Variants in PROB1 observed in about 807,000 individuals in gnomAD.
The protein encoded by PROB1 is proline rich basic protein 1.
For missense variants in PROB1, 1,453 were observed against 1,485.7 expected, an observed-to-expected ratio of 0.98 and a Z score of 0.36; for synonymous variants, 660 against 699.3, an observed-to-expected ratio of 0.94 and a Z score of 0.89.
chr5:139,392,060 C>T lies in PROB1; in HGVS notation c.3022G>A (p.Gly1008Ser). ...PPSSSGPTQP[G>S]KGSLFPL is the part of the protein sequence containing the mutation. ...CACAGCGGGAACAATGAACCCTTGC[C>T]GGGCTGGGTGGGACCTGAGCTGGAG... The change falls in exon 1 of 1, where the codon GGC (glycine) becomes AGC (serine). Residue 1008 changes from glycine (G) to serine (S), a missense_variant. By Grantham distance (56) the Gly-to-Ser change is moderately conservative (BLOSUM62 0). Transcript: ENST00000434752. The surrounding 1 kb of genome is among the most constrained non-coding windows in gnomAD (Gnocchi z 5.8). The T allele has an allele frequency of 1.4e-6, 2 of 1,402,432 alleles. No individual in the cohort carries two copies. The highest frequency in any genetic ancestry group is 1.9e-4 in the Middle Eastern group (1 of 5,380). 86.9% of individuals were successfully genotyped at this position (1,402,432 alleles called of 1,614,324 possible). A position where few individuals can be genotyped will look rare whatever the true frequency, so the allele number is the denominator to read the frequency against.
chr5:139,393,228 G>A lies in PROB1; in HGVS notation c.1854C>T (p.Arg618=). 1 of 1,549,154 alleles carries A rather than the reference G, an allele frequency of 6.5e-7. No individual in the cohort carries two copies. Among genetic ancestry groups the A allele is most frequent in the Non-Finnish European group, 8.7e-7 (1 of 1,146,890 alleles). The change falls in exon 1 of 1, where the codon CGC becomes CGT. Residue 618 remains arginine, a synonymous_variant. Coordinates refer to ENST00000434752, the MANE Select transcript of PROB1 (RefSeq NM_001161546.2). ...CGTCTCGAGGCCGCGGAATGGCCAT[G>A]CGCGGGCGTCCCGAGGCCGCCTCTC... ...GPGEAASGRP[R]MAIPRPRDVR...
rs1391631989 is a variant in PROB1 at position 139,392,061 on chromosome 5, G to A, written c.3021C>T (p.Pro1007=). ...ACAGCGGGAACAATGAACCCTTGCC[G>A]GGCTGGGTGGGACCTGAGCTGGAGG... ...APPSSSGPTQ[P]GKGSLFPL Residue 1007 remains proline, a synonymous_variant, in exon 1 of 1, where the codon CCC becomes CCT. Coordinates refer to ENST00000434752, the MANE Select transcript of PROB1 (RefSeq NM_001161546.2). This position sits in a 1 kb window ranked among gnomAD's most constrained non-coding sequence, Gnocchi z 5.8. The A allele has an allele frequency of 1.4e-6, 2 of 1,399,914 alleles. No individual in the cohort carries two copies. Among genetic ancestry groups the A allele is most frequent in the East Asian group, 3.0e-5 (1 of 33,726 alleles). The allele number at this position is 1,399,914 out of a possible 1,614,324, so 86.7% of individuals were successfully genotyped here. A position where few individuals can be genotyped will look rare whatever the true frequency, so the allele number is the denominator to read the frequency against.
Position 139,394,457 on chromosome 5 carries a change from G to GA in PROB1, c.624dup (p.Gln209SerfsTer72). ...TGGGGCCGGGGGCGCAGCTCGATCTGACGCTTGGGCACTGTCCGGGGCCTG... is the reference window on the plus strand; with the variant it reads ...TGGGGCCGGGGGCGCAGCTCGATCTGAACGCTTGGGCACTGTCCGGGGCCTG... On this transcript the variant is annotated frameshift_variant, in exon 1 of 1. Coordinates refer to ENST00000434752, the MANE Select transcript of PROB1 (RefSeq NM_001161546.2). LOFTEE classifies it low-confidence loss of function (END_TRUNC). 7.1e-7 allele frequency: 1 copy of GA among 1,400,574 alleles called. No homozygotes were observed. Among genetic ancestry groups the GA allele is most frequent in the Non-Finnish European group, 9.2e-7 (1 of 1,085,982 alleles). The allele number at this position is 1,400,574 out of a possible 1,614,324, so 86.8% of individuals were successfully genotyped here. A position where few individuals can be genotyped will look rare whatever the true frequency, so the allele number is the denominator to read the frequency against.
In PROB1 at chr5:139,390,968, CCCCTCATCT is replaced by C. The variant is rs1011551587; in HGVS notation, c.*1057_*1065del. ...CACCACCTCCCACCTCATGCAGACC[CCCCTCATCT>C]CCCTCAGAGGCTCCTGGAATCTCAG... is the stretch of plus-strand genomic sequence containing the variant. On this transcript the variant is annotated 3_prime_UTR_variant, in exon 1 of 1. Transcript: ENST00000434752. 2 of 152,492 alleles carry C rather than the reference CCCCTCATCT, an allele frequency of 1.3e-5. No homozygotes were observed. Among genetic ancestry groups the C allele is most frequent in the Non-Finnish European group, 2.9e-5 (2 of 68,254 alleles). 9.4% of individuals were successfully genotyped at this position (152,492 alleles called of 1,614,324 possible). A position where few individuals can be genotyped will look rare whatever the true frequency, so the allele number is the denominator to read the frequency against.
chr5:139,391,866 C>T lies in PROB1; in HGVS notation c.*168G>A. The T allele has an allele frequency of 1.8e-6, 1 of 548,108 alleles. No individual in the cohort carries two copies. Among genetic ancestry groups the T allele is most frequent in the Non-Finnish European group, 2.8e-6 (1 of 357,632 alleles). The allele number at this position is 548,108 out of a possible 1,614,324, so 34.0% of individuals were successfully genotyped here. A position where few individuals can be genotyped will look rare whatever the true frequency, so the allele number is the denominator to read the frequency against. On this transcript the variant is annotated 3_prime_UTR_variant, in exon 1 of 1. Coordinates refer to ENST00000434752, the MANE Select transcript of PROB1 (RefSeq NM_001161546.2). This position sits in a 1 kb window ranked among gnomAD's most constrained non-coding sequence, Gnocchi z 4.8. The stretch of plus-strand genomic sequence containing the variant: ...GCCACTTCCTGGGTGACTCCAGCTC[C>T]ACCAGCCTCGGGGCTCAGATTCATT...
Position 139,391,950 on chromosome 5 carries a change from G to C in PROB1, c.*84C>G, listed in dbSNP as rs1233186849. 8.9e-7 allele frequency: 1 copy of C among 1,118,908 alleles called. No homozygotes were observed. Among genetic ancestry groups the C allele is most frequent in the African/African-American group, 1.6e-5 (1 of 61,436 alleles). 69.3% of individuals were successfully genotyped at this position (1,118,908 alleles called of 1,614,324 possible). On this transcript the variant is annotated 3_prime_UTR_variant, in exon 1 of 1. Coordinates refer to ENST00000434752, the MANE Select transcript of PROB1 (RefSeq NM_001161546.2). The surrounding 1 kb of genome is among the most constrained non-coding windows in gnomAD (Gnocchi z 4.8). ...GGGATGGGTTAAAGACAGAGGCGAC[G>C]GAAGGAGAGGAGGGTAGGGGCTTGG...
At position 139,394,268 on chromosome 5, in the gene PROB1, C is replaced by A. The variant is rs1352658447; in HGVS notation, c.814G>T (p.Gly272Trp). The A allele has an allele frequency of 3.2e-6, 5 of 1,543,212 alleles. No individual in the cohort carries two copies. The highest frequency in any genetic ancestry group is 4.4e-6 in the Non-Finnish European group (5 of 1,142,968). Residue 272 changes from glycine (G) to tryptophan (W), a missense_variant, in exon 1 of 1, where the codon GGG becomes TGG. Physicochemically the swap from Gly to Trp is radical, Grantham distance 184 (BLOSUM62 -2). Transcript: ENST00000434752. Reference sequence around the variant, plus strand: ...TCAGGTTCCGACCGCCCCGTGGACCCGAAGGTGGCGCTGCTCGGGGCCGGG... The same window carrying A: ...TCAGGTTCCGACCGCCCCGTGGACCAGAAGGTGGCGCTGCTCGGGGCCGGG... ...EAPAPSSATF[G>W]STGRSEPETR...
At position 139,392,412 on chromosome 5, in the gene PROB1, G is replaced by A; in HGVS notation, c.2670C>T (p.Arg890=). 1 of 1,504,690 alleles carries A rather than the reference G, an allele frequency of 6.6e-7. No homozygotes were observed. The highest frequency in any genetic ancestry group is 1.3e-5 in the South Asian group (1 of 79,938). 93.2% of individuals were successfully genotyped at this position (1,504,690 alleles called of 1,614,324 possible). A position where few individuals can be genotyped will look rare whatever the true frequency, so the allele number is the denominator to read the frequency against. ...GCCGCGGCGCCTCCACAAAGTAGTA[G>A]CGGCCGCTCTCGGGGTCCACCAAGA... The part of the protein sequence containing the change: ...GKVLVDPESG[R]YYFVEAPRQP... The change falls in exon 1 of 1, where the codon CGC becomes CGT. Residue 890 remains arginine, a synonymous_variant. Coordinates refer to ENST00000434752, the MANE Select transcript of PROB1 (RefSeq NM_001161546.2). This position sits in a 1 kb window ranked among gnomAD's most constrained non-coding sequence, Gnocchi z 5.8.
chr5:139,394,730 C>A lies in PROB1; in HGVS notation c.352G>T (p.Gly118Ter). The A allele has an allele frequency of 6.5e-7, 1 of 1,532,332 alleles. No homozygotes were observed. 94.9% of individuals were successfully genotyped at this position (1,532,332 alleles called of 1,614,324 possible). A position where few individuals can be genotyped will look rare whatever the true frequency, so the allele number is the denominator to read the frequency against. ...SGEMEVIFGV[G>*]PLFGCSGADD... ...GCGCCGGAGCAGCCGAACAGGGGTC[C>A]GACGCCGAAGATGACTTCCATCTCC... Residue 118 changes from glycine (G) to a stop codon, truncating the protein, a stop_gained, in exon 1 of 1, where the codon GGA becomes TGA. Transcript: ENST00000434752. LOFTEE classifies it low-confidence loss of function (END_TRUNC).
chr5:139,394,204 T>A lies in PROB1; in HGVS notation c.878A>T (p.Glu293Val). 1 of 1,548,588 alleles carries A rather than the reference T, an allele frequency of 6.5e-7. No homozygotes were observed. The highest frequency in any genetic ancestry group is 8.7e-7 in the Non-Finnish European group (1 of 1,145,360). ...ETARSTHVVL[E>V]KAKSRPLRVR... ...GCGAAGTGGCCGAGACTTAGCCTTC[T>A]CCAGGACCACGTGGGTGCTGCGGGC... The change falls in exon 1 of 1, where the codon GAG becomes GTG. Residue 293 changes from glutamate to valine, a missense_variant. Transcript: ENST00000434752.
Position 139,393,723 on chromosome 5 carries a change from A to AG in PROB1, c.1358dup (p.Ser454PhefsTer41), listed in dbSNP as rs777624963. The stretch of plus-strand genomic sequence containing the variant: ...TCCACTGGGAAAGGATCGGAGGGGA[A>AG]GGGCTTCTCCTGCTGACAGTTTCCT... On this transcript the variant is annotated frameshift_variant, in exon 1 of 1. Transcript: ENST00000434752. LOFTEE classifies it low-confidence loss of function (END_TRUNC). 7 of 1,551,222 alleles carry AG rather than the reference A, an allele frequency of 4.5e-6. No individual in the cohort carries two copies. The East Asian group carries it at 1.7e-4, about 38-fold the overall frequency.
Position 139,394,982 on chromosome 5 carries a change from A to G in PROB1, c.100T>C (p.Tyr34His). 1 of 1,510,172 alleles carries G rather than the reference A, an allele frequency of 6.6e-7. No individual in the cohort carries two copies. Among genetic ancestry groups the G allele is most frequent in the Non-Finnish European group, 8.8e-7 (1 of 1,131,324 alleles). 93.5% of individuals were successfully genotyped at this position (1,510,172 alleles called of 1,614,324 possible). A position where few individuals can be genotyped will look rare whatever the true frequency, so the allele number is the denominator to read the frequency against. ...RQDSSGSSGS[Y>H]YTAPGSPEPP... ...TCCGGAGAACCTGGAGCCGTGTAGT[A>G]GGAGCCTGACGAACCGGAGGAGTCC... The change falls in exon 1 of 1, where the codon TAC (tyrosine) becomes CAC (histidine). Residue 34 changes from tyrosine to histidine, a missense_variant. Transcript: ENST00000434752.
rs1476994192 is a variant in PROB1, at chr5:139,392,601, G to T, written c.2481C>A (p.Pro827=). 6 of 1,366,830 alleles carry T rather than the reference G, an allele frequency of 4.4e-6. No individual in the cohort carries two copies. The highest frequency in any genetic ancestry group is 5.6e-6 in the Non-Finnish European group (6 of 1,063,170). 84.7% of individuals were successfully genotyped at this position (1,366,830 alleles called of 1,614,324 possible). Residue 827 remains proline (P), a synonymous_variant, in exon 1 of 1, where the codon CCC becomes CCA. Coordinates refer to ENST00000434752, the MANE Select transcript of PROB1 (RefSeq NM_001161546.2). This position sits in a 1 kb window ranked among gnomAD's most constrained non-coding sequence, Gnocchi z 5.8. ...KPKTPPTAPE[P]AAAVQAPLPR... ...GGAGTGGCGCCTGGACGGCAGCCGC[G>T]GGCTCGGGGGCCGTAGGTGGTGTCT...
chr5:139,394,175 G>A lies in PROB1; in HGVS notation c.907C>T (p.Arg303Ter). 3.9e-6 allele frequency: 6 copies of A among 1,546,292 alleles called. No homozygotes were observed. The highest frequency in any genetic ancestry group is 5.2e-6 in the Non-Finnish European group (6 of 1,144,156). Reference protein sequence around the residue: ...EKAKSRPLRVRDNSAPAKAPR... With the variant: ...EKAKSRPLRV ...GCCTTGGCGGGGGCCGAATTATCTC[G>A]TACGCGAAGTGGCCGAGACTTAGCC... is the stretch of plus-strand genomic sequence containing the variant. Residue 303 changes from arginine (R) to a stop codon, truncating the protein, a stop_gained, in exon 1 of 1, where the codon CGA becomes TGA. Coordinates refer to ENST00000434752, the MANE Select transcript of PROB1 (RefSeq NM_001161546.2). LOFTEE classifies it low-confidence loss of function (END_TRUNC).
chr5:139,392,591 C>T lies in PROB1; in HGVS notation c.2491G>A (p.Val831Ile). Residue 831 changes from valine (V) to isoleucine (I), a missense_variant, in exon 1 of 1, where the codon GTC (valine) becomes ATC (isoleucine). Transcript: ENST00000434752. This position sits in a 1 kb window ranked among gnomAD's most constrained non-coding sequence, Gnocchi z 5.8. ...PPTAPEPAAA[V>I]QAPLPREPLA... Reference sequence around the variant, plus strand: ...GGCTCCCGCGGGAGTGGCGCCTGGACGGCAGCCGCGGGCTCGGGGGCCGTA... The same window carrying T: ...GGCTCCCGCGGGAGTGGCGCCTGGATGGCAGCCGCGGGCTCGGGGGCCGTA... The T allele has an allele frequency of 7.3e-7, 1 of 1,365,300 alleles. No homozygotes were observed. The allele number at this position is 1,365,300 out of a possible 1,614,324, so 84.6% of individuals were successfully genotyped here. A position where few individuals can be genotyped will look rare whatever the true frequency, so the allele number is the denominator to read the frequency against.
In PROB1 at chr5:139,391,751, C is replaced by G. The variant is rs986791650; in HGVS notation, c.*283G>C. ...CCCTATTTGCTTGCCCGCATATACA[C>G]ATATACACACACCCACACACCACAC... On this transcript the variant is annotated 3_prime_UTR_variant, in exon 1 of 1. Transcript: ENST00000434752. This position sits in a 1 kb window ranked among gnomAD's most constrained non-coding sequence, Gnocchi z 4.8. 4.0e-5 allele frequency: 14 copies of G among 353,066 alleles called. No individual in the cohort carries two copies. In the Admixed American group the frequency reaches 4.7e-4, roughly 12 times the overall value. 21.9% of individuals were successfully genotyped at this position (353,066 alleles called of 1,614,324 possible). A position where few individuals can be genotyped will look rare whatever the true frequency, so the allele number is the denominator to read the frequency against.
In PROB1 at chr5:139,393,133, G is replaced by C; in HGVS notation, c.1949C>G (p.Ala650Gly). 1 of 1,532,744 alleles carries C rather than the reference G, an allele frequency of 6.5e-7. No homozygotes were observed. Among genetic ancestry groups the C allele is most frequent in the Non-Finnish European group, 8.8e-7 (1 of 1,136,968 alleles). The allele number at this position is 1,532,744 out of a possible 1,614,324, so 94.9% of individuals were successfully genotyped here. A position where few individuals can be genotyped will look rare whatever the true frequency, so the allele number is the denominator to read the frequency against. The change falls in exon 1 of 1, where the codon GCG (alanine) becomes GGG (glycine). Residue 650 changes from alanine (A) to glycine (G), a missense_variant. Transcript: ENST00000434752. ...CTCCCCGCAGGGGTCGGCAGGAGGC[G>C]CAGGCAGCCCAGAGCCTTGTGCTCC... ...PAGAQGSGLPAPPADPCGEEG... is the reference protein window; with the variant it reads ...PAGAQGSGLPGPPADPCGEEG...
Position 139,392,864 on chromosome 5 carries a change from C to T in PROB1, c.2218G>A (p.Ala740Thr). ...GTTACCTCGGGCCGGCGACCCAAGGCCAGGGCCCCAGGCAGGCGGATCTCT... is the reference window on the plus strand; with the variant it reads ...GTTACCTCGGGCCGGCGACCCAAGGTCAGGGCCCCAGGCAGGCGGATCTCT... Reference protein sequence around the residue: ...RTEIRLPGALALGRRPEVTSR... With the variant: ...RTEIRLPGALTLGRRPEVTSR... Residue 740 changes from alanine to threonine, a missense_variant, in exon 1 of 1, where the codon GCC becomes ACC. Physicochemically the swap from Ala to Thr is moderately conservative, Grantham distance 58 (BLOSUM62 0). Coordinates refer to ENST00000434752, the MANE Select transcript of PROB1 (RefSeq NM_001161546.2). The surrounding 1 kb of genome is among the most constrained non-coding windows in gnomAD (Gnocchi z 5.8). 6.5e-7 allele frequency: 1 copy of T among 1,543,828 alleles called. No homozygotes were observed. Among genetic ancestry groups the T allele is most frequent in the Non-Finnish European group, 8.7e-7 (1 of 1,143,566 alleles).
chr5:139,392,532 C>A lies in PROB1; in HGVS notation c.2550G>T (p.Gln850His). The change falls in exon 1 of 1, where the codon CAG (glutamine) becomes CAT (histidine). Residue 850 changes from glutamine (Q) to histidine (H), a missense_variant. Coordinates refer to ENST00000434752, the MANE Select transcript of PROB1 (RefSeq NM_001161546.2). This position sits in a 1 kb window ranked among gnomAD's most constrained non-coding sequence, Gnocchi z 5.8. Reference protein sequence around the residue: ...LALAGRTAPAQPRAASAPPTD... With the variant: ...LALAGRTAPAHPRAASAPPTD... Reference sequence around the variant, plus strand: ...TGGGAGGCGCCGAGGCAGCGCGGGGCTGGGCTGGGGCCGTCCTGCCCGCCA... The same window carrying A: ...TGGGAGGCGCCGAGGCAGCGCGGGGATGGGCTGGGGCCGTCCTGCCCGCCA... 1 of 1,351,394 alleles carries A rather than the reference C, an allele frequency of 7.4e-7. No homozygotes were observed. The highest frequency in any genetic ancestry group is 9.5e-7 in the Non-Finnish European group (1 of 1,056,952). 83.7% of individuals were successfully genotyped at this position (1,351,394 alleles called of 1,614,324 possible). A position where few individuals can be genotyped will look rare whatever the true frequency, so the allele number is the denominator to read the frequency against.
Sources: gnomAD v4.1 joint callset for allele counts on GRCh38, gnomAD v4.1.1 for gene constraint, Gnocchi (gnomAD v3.1) non-coding constraint, MANE v1.5 for transcripts, NCBI Gene and HGNC (gene_info 2026-07-23, HGNC 2026-07-21) for gene names.